Variants in DTNBP1 observed in about 807,000 individuals in gnomAD.
The protein encoded by DTNBP1 is dysbindin.
A neutral mutation model predicts 42.8 loss-of-function variants in DTNBP1; 35 were observed. The ratio of observed to expected loss-of-function variants is 0.82; its 90% CI spans 0.63 to 1.09. The LOEUF (loss-of-function observed/expected upper bound fraction) is 1.09, where lower values mean the gene tolerates loss of function less well. Ranked by LOEUF, DTNBP1 falls within the 50% of genes least tolerant of loss-of-function variation. The pLI, the probability that DTNBP1 is intolerant of heterozygous loss-of-function variation, is 0.00. For missense variants in DTNBP1, 457 were observed against 424.2 expected (o/e 1.08, Z -0.68); for synonymous variants, 171 against 162.2 (o/e 1.05, Z -0.41).
At chr6:15,657,264 G>A (rs1761338366) in intron 1 of DTNBP1, among the ~76,000 whole-genome samples, 1 of 152,214 alleles carries the variant, frequency 6.6e-6, no homozygotes, top group African/African-American at 2.4e-5. Flanking sequence ...CAAGCAGCTA[G>A]CTCATCACAA....
rs199756151 is a variant in DTNBP1 at position 15,524,517 on chromosome 6, C to G, written c.811+9G>C. ...CCTGGTTCAGCTAATGCAAGTTTGT[C>G]AACCCTACCTAAGGCGGGGGACAGC... is the stretch of plus-strand genomic sequence containing the variant. On this transcript the variant is annotated intron_variant, in intron 9 of 9. Transcript: ENST00000344537. 6.2e-7 allele frequency: 1 copy of G among 1,607,744 alleles called. No individual in the cohort carries two copies. The highest frequency in any genetic ancestry group is 1.1e-5 in the South Asian group (1 of 90,460).
At chr6:15,565,243 T>C (rs1279927823) in intron 7 of DTNBP1, among the ~76,000 whole-genome samples, 4 of 152,168 alleles carry the variant, frequency 2.6e-5, no homozygotes, top group East Asian at 1.9e-4. Context: ...AATGTAAAAT[T>C]GTAAAAAGTC....
chr6:15,640,067 T>C (rs1581424949), intron 3 of DTNBP1, among the ~76,000 whole-genome samples: 1 of 152,340 alleles, frequency 6.6e-6, no homozygotes, highest in East Asian at 1.9e-4. Context: ...CAGCATTCTC[T>C]AAACCTAGAC....
At position 15,663,012 on chromosome 6, in the gene DTNBP1, C is replaced by T. The variant is rs1195854361; in HGVS notation, c.-143G>A. 2 of 1,210,322 alleles carry T rather than the reference C, an allele frequency of 1.7e-6. No homozygotes were observed. The highest frequency in any genetic ancestry group is 1.4e-5 in the South Asian group (1 of 73,290). 75.0% of individuals were successfully genotyped at this position (1,210,322 alleles called of 1,614,324 possible). A position where few individuals can be genotyped will look rare whatever the true frequency, so the allele number is the denominator to read the frequency against. On this transcript the variant is annotated 5_prime_UTR_variant, in exon 1 of 10. Coordinates refer to ENST00000344537, the MANE Select transcript of DTNBP1 (RefSeq NM_032122.5). Reference sequence around the variant, plus strand: ...GCCCCGCCCCCGGTCTGGTCCTCGCCGCCGCGCCGCAACCCCAGCCCCTTC... The same window carrying T: ...GCCCCGCCCCCGGTCTGGTCCTCGCTGCCGCGCCGCAACCCCAGCCCCTTC...
chr6:15,614,294 A>T (rs1165104021), intron 6 of DTNBP1, among the ~76,000 whole-genome samples: 1 of 150,930 alleles, frequency 6.6e-6, no homozygotes, highest in African/African-American at 2.4e-5. Context: ...ATAGCAACCC[A>T]CTCCTGTTAT....
At chr6:15,603,031 T>C (rs1173705951) in intron 6 of DTNBP1, among the ~76,000 whole-genome samples, 2 of 152,216 alleles carry the variant, frequency 1.3e-5, no homozygotes, top group African/African-American at 4.8e-5. Flanking sequence ...TAATAAACTG[T>C]TAAATATTCT....
At chr6:15,661,470 C>G (rs556430842) in intron 1 of DTNBP1, among the ~76,000 whole-genome samples, 2 of 152,186 alleles carry the variant, frequency 1.3e-5, no homozygotes, top group African/African-American at 4.8e-5. Context: ...CCAGCCTGGC[C>G]AATATGGTGA....
At chr6:15,648,065 A>C (rs1760781917) in intron 3 of DTNBP1, among the ~76,000 whole-genome samples, 1 of 152,080 alleles carries the variant, frequency 6.6e-6, no homozygotes, top group African/African-American at 2.4e-5. Flanking sequence ...CACAATTTCC[A>C]AGAGGGATTT....
chr6:15,661,187 T>C (rs1181726230), intron 1 of DTNBP1, among the ~76,000 whole-genome samples: 1 of 152,226 alleles, frequency 6.6e-6, no homozygotes, highest in African/African-American at 2.4e-5. Context: ...AACATCTTTC[T>C]CATTAGAAAT....
At chr6:15,615,063 A>T in intron 6 of DTNBP1, 1 of 757,186 alleles carries the variant, frequency 1.3e-6, no homozygotes, top group Non-Finnish European at 2.3e-6. Flanking sequence ...TTCATGTTTT[A>T]CCTTCTCCTG....
intron 6 of DTNBP1, 83 bp downstream of exon 6, chr6:15,615,184 G>A (rs1198323265): frequency 1.8e-5 from 29 of 1,587,376 alleles, no homozygotes; most frequent in Middle Eastern, 1.7e-4. Flanking sequence ...TTTATCAGCC[G>A]GGACTTCTAA....
intron 7 of DTNBP1, among the ~76,000 whole-genome samples, chr6:15,564,147 C>T (rs897239350): frequency 2.0e-5 from 3 of 151,654 alleles, no homozygotes; most frequent in African/African-American, 7.3e-5. Flanking sequence ...CCTCATTTAG[C>T]GGCTCCACAA....
At chr6:15,607,327 A>G (rs1758129615) in intron 6 of DTNBP1, among the ~76,000 whole-genome samples, 1 of 151,800 alleles carries the variant, frequency 6.6e-6, no homozygotes, top group East Asian at 1.9e-4. Flanking sequence ...TTTGAGACAG[A>G]GTCTCACTCT....
chr6:15,595,519 G>C (rs990781377), intron 6 of DTNBP1, among the ~76,000 whole-genome samples: 1 of 151,762 alleles, frequency 6.6e-6, no homozygotes, highest in Non-Finnish European at 1.5e-5. Context: ...CACCTGCCTC[G>C]GCCTCCCAAA....
chr6:15,568,397 G>A (rs1460446804), intron 7 of DTNBP1, among the ~76,000 whole-genome samples: 1 of 152,162 alleles, frequency 6.6e-6, no homozygotes, highest in Non-Finnish European at 1.5e-5. Context: ...CCCATGTCAT[G>A]TAAAACTTAT....
intron 7 of DTNBP1, among the ~76,000 whole-genome samples, chr6:15,549,001 A>C (rs1479805394): frequency 6.6e-6 from 1 of 152,192 alleles, no homozygotes; most frequent in Non-Finnish European, 1.5e-5. Context: ...AATGTGGACT[A>C]ATTTTGACAG....
chr6:15,612,082 C>T (rs896497185), intron 6 of DTNBP1, among the ~76,000 whole-genome samples: 3 of 152,142 alleles, frequency 2.0e-5, no homozygotes, highest in African/African-American at 7.2e-5. Flanking sequence ...AAGAGTCAAT[C>T]GATGTAGCAA....
chr6:15,618,241 A>G (rs1758826025), intron 5 of DTNBP1, among the ~76,000 whole-genome samples: 1 of 152,220 alleles, frequency 6.6e-6, no homozygotes, highest in South Asian at 2.1e-4. Flanking sequence ...TGAATGGCCA[A>G]CAGGTATATG....
intron 4 of DTNBP1, 30 bp from the exon 5 acceptor site, chr6:15,627,505 A>G (rs1287413066): frequency 6.2e-7 from 1 of 1,613,270 alleles, no homozygotes. Context: ...GGGTAAAGTG[A>G]AACCAGGTTT....
Sources: gnomAD v4.1 joint callset for allele counts (sites outside exome capture counted in the v4.1 genomes callset) on GRCh38, gnomAD v4.1.1 for gene constraint, MANE v1.5 for transcripts, NCBI Gene and HGNC (gene_info 2026-07-23, HGNC 2026-07-21) for gene names.